LRRC74A: variants seen among roughly 807,000 people sequenced by gnomAD.
LRRC74A encodes leucine-rich repeat-containing protein 74A.
A neutral mutation model predicts 57.9 loss-of-function variants in LRRC74A; 44 were observed. That is an observed-to-expected ratio of 0.76 (90% CI 0.60 to 0.98). LRRC74A has a LOEUF of 0.98. Ranked by LOEUF, LRRC74A falls within the 50% of genes least tolerant of loss-of-function variation. The pLI is 0.00. For missense variants in LRRC74A, 572 were observed against 574.0 expected, an observed-to-expected ratio of 1.00 and a Z score of 0.04; for synonymous variants, 211 against 219.4, an observed-to-expected ratio of 0.96 and a Z score of 0.34.
intron 13 of LRRC74A, among the ~76,000 whole-genome samples, 153 bp downstream of exon 13, chr14:76,867,591 C>T (rs1899042411): frequency 6.6e-6 from 1 of 152,126 alleles, no homozygotes; most frequent in Admixed American, 6.5e-5. Context: ...CCACTGTCTA[C>T]CCCCCTTCTC....
intron 10 of LRRC74A, 145 bp from the exon 11 acceptor site, chr14:76,860,548 C>A: frequency 1.5e-6 from 1 of 678,856 alleles, no homozygotes. Context: ...CCCGAACTAT[C>A]CCAGTCCAGG....
chr14:76,857,542 T>G, intron 10 of LRRC74A, 67 bp downstream of exon 10: 31 of 1,180,476 alleles, frequency 2.6e-5, no homozygotes, highest in Non-Finnish European at 3.3e-5. Context: ...CTCTATACTC[T>G]GTGTTGGCCA....
chr14:76,844,266 G>A (rs890939226), intron 5 of LRRC74A, among the ~76,000 whole-genome samples, 157 bp from the exon 6 acceptor site: 1 of 152,234 alleles, frequency 6.6e-6, no homozygotes, highest in Admixed American at 6.5e-5. Flanking sequence ...GCCTCCCAAA[G>A]TGCTGGGATT....
chr14:76,845,382 G>A (rs1566728116), intron 7 of LRRC74A, among the ~76,000 whole-genome samples: 1 of 151,566 alleles, frequency 6.6e-6, no homozygotes, highest in Non-Finnish European at 1.5e-5. Context: ...GAAGAGGGAG[G>A]GGGAGGGGCA....
rs369137289 is a variant in LRRC74A at position 76,853,485 on chromosome 14, TG to T, written c.957+80del. 516 of 1,248,380 alleles carry T rather than the reference TG, an allele frequency of 4.1e-4. 3 individuals carry two copies. The African/African-American group carries it at 8.4e-3, about 20-fold the overall frequency. 77.3% of individuals were successfully genotyped at this position (1,248,380 alleles called of 1,614,324 possible). A position where few individuals can be genotyped will look rare whatever the true frequency, so the allele number is the denominator to read the frequency against. On this transcript the variant is annotated intron_variant, in intron 9 of 13. Transcript: ENST00000689127. ...TGTTTGTGTATGTGTTGGGATAAGT[TG>T]GGGGCTGCAGAGTACTGGAGAGAAT...
At chr14:76,870,030 G>T in intron 13 of LRRC74A, 95 bp from the exon 14 acceptor site, 1 of 1,357,404 alleles carries the variant, frequency 7.4e-7, no homozygotes, top group East Asian at 2.5e-5. Flanking sequence ...GTTTACAAAT[G>T]GTCTCCTTTG....
chr14:76,867,966 T>C (rs1899083249), intron 13 of LRRC74A, among the ~76,000 whole-genome samples: 1 of 152,176 alleles, frequency 6.6e-6, no homozygotes, highest in Admixed American at 6.5e-5. Flanking sequence ...GGATGCTGTA[T>C]CTTAGACTGA....
At chr14:76,853,125 G>A in intron 8 of LRRC74A, 91 bp from the exon 9 acceptor site, 1 of 1,241,090 alleles carries the variant, frequency 8.1e-7, no homozygotes, top group South Asian at 1.4e-5. Context: ...ACCCGGTCTG[G>A]ATGCCAACAG....
chr14:76,836,545 A>G (rs533431736), intron 4 of LRRC74A, among the ~76,000 whole-genome samples: 24 of 152,232 alleles, frequency 1.6e-4, no homozygotes, highest in Admixed American at 1.5e-3. Flanking sequence ...CACACCTGCA[A>G]TCCCAGCACT....
chr14:76,845,046 G>T, intron 7 of LRRC74A, 145 bp downstream of exon 7: 1 of 605,038 alleles, frequency 1.7e-6, no homozygotes. Context: ...TTCAGAATTT[G>T]GGTGCAGTGG....
intron 11 of LRRC74A, among the ~76,000 whole-genome samples, chr14:76,861,819 C>A (rs1266832100): frequency 2.6e-5 from 4 of 152,216 alleles, no homozygotes; most frequent in Non-Finnish European, 4.4e-5. Flanking sequence ...ACCTGGGGAG[C>A]AGGCGTGGGG....
At chr14:76,840,669 G>GCC (rs1470501389) in intron 5 of LRRC74A, among the ~76,000 whole-genome samples, 1 of 146,356 alleles carries the variant, frequency 6.8e-6, no homozygotes, top group African/African-American at 2.5e-5. Context: ...TGCAGGCTCT[G>GCC]CCCCCCGGGG....
intron 9 of LRRC74A, among the ~76,000 whole-genome samples, chr14:76,855,386 T>C (rs1485311334): frequency 6.6e-6 from 1 of 152,252 alleles, no homozygotes; most frequent in South Asian, 2.1e-4. Context: ...AAAATGGCAA[T>C]AGAGGTCTTT....
chr14:76,869,748 TA>T (rs1899286917), intron 13 of LRRC74A, among the ~76,000 whole-genome samples: 3 of 137,510 alleles, frequency 2.2e-5, no homozygotes, highest in Non-Finnish European at 4.6e-5. Flanking sequence ...GGTGACAGAG[TA>T]AGACTCCATC....
chr14:76,854,182 C>T (rs565483353), intron 9 of LRRC74A, among the ~76,000 whole-genome samples: 1 of 152,182 alleles, frequency 6.6e-6, no homozygotes, highest in Non-Finnish European at 1.5e-5. Context: ...TGGGATCCTC[C>T]GTCTAGGGGA....
At chr14:76,829,529 G>C (rs1895824165) in intron 2 of LRRC74A, among the ~76,000 whole-genome samples, 1 of 152,172 alleles carries the variant, frequency 6.6e-6, no homozygotes, top group Admixed American at 6.5e-5. Context: ...TGGCCAAAGG[G>C]TCCTGTTTCT....
At chr14:76,862,934 G>T (rs891855506) in intron 11 of LRRC74A, among the ~76,000 whole-genome samples, 1 of 152,178 alleles carries the variant, frequency 6.6e-6, no homozygotes, top group South Asian at 2.1e-4. Context: ...GGTGAGAGCT[G>T]CTGGGCAGTG....
At chr14:76,829,190 C>A (rs1244240649) in intron 2 of LRRC74A, 79 of 1,289,142 alleles carry the variant, frequency 6.1e-5, no homozygotes, top group Non-Finnish European at 7.7e-5. Context: ...CCAGGCCAAG[C>A]CTAGCCCAGT....
intron 2 of LRRC74A, chr14:76,829,113 G>A (rs947920438): frequency 3.3e-5 from 42 of 1,289,384 alleles, no homozygotes; most frequent in Middle Eastern, 4.3e-4. Context: ...GGGAAGCACC[G>A]AAAGAGAACA....
Sources: gnomAD v4.1 joint callset for allele counts (sites outside exome capture counted in the v4.1 genomes callset) on GRCh38, gnomAD v4.1.1 for gene constraint, MANE v1.5 for transcripts, NCBI Gene and HGNC (gene_info 2026-07-23, HGNC 2026-07-21) for gene names.